The following CD2AP variants were observed in gnomAD, a reference collection of about 807,000 sequenced individuals.
The protein encoded by CD2AP is CD2-associated protein.
In CD2AP, 46 loss-of-function variants were observed where a neutral mutation model predicts 85.1. The ratio of observed to expected loss-of-function variants is 0.54; its 90% CI spans 0.43 to 0.69. CD2AP has a LOEUF of 0.69. Ranked by LOEUF, CD2AP falls within the 30% of genes least tolerant of loss-of-function variation. The pLI is 0.00. For missense variants in CD2AP, 769 were observed against 729.5 expected (o/e 1.05, Z -0.62); for synonymous variants, 255 against 252.9 (o/e 1.01, Z -0.08).
intron 2 of CD2AP, among the ~76,000 whole-genome samples, chr6:47,525,863 A>G (rs1766707593): frequency 6.6e-6 from 1 of 152,122 alleles, no homozygotes; most frequent in Admixed American, 6.5e-5. Context: ...TTGTATTGAC[A>G]TTACCTATTG....
Position 47,589,565 on chromosome 6 carries a change from C to CACATATATAT in CD2AP, c.1109-6295_1109-6294insCATATATATA, listed in dbSNP as rs139814970. 1.2e-3 allele frequency among the ~76,000 whole-genome samples: 143 copies of CACATATATAT among 120,994 alleles called. No homozygotes were observed. The South Asian group carries it at 0.014, about 12-fold the overall frequency. 79.4% of individuals were successfully genotyped at this position (120,994 alleles called of 152,430 possible). ...ACACATATATATACACACACACACACATATATATATATATATTTGTCAGAG... is the reference window on the plus strand; with the variant it reads ...ACACATATATATACACACACACACACACATATATATATATATATATATATATTTGTCAGAG... On this transcript the variant is annotated intron_variant, in intron 11 of 17. Coordinates refer to ENST00000359314, the MANE Select transcript of CD2AP (RefSeq NM_012120.3).
At chr6:47,506,823 G>A (rs1159676885) in intron 2 of CD2AP, among the ~76,000 whole-genome samples, 1 of 137,962 alleles carries the variant, frequency 7.2e-6, no homozygotes, top group East Asian at 2.0e-4. Context: ...GAGGGAGAGG[G>A]AGAGGGAGAG....
chr6:47,567,268 A>G (rs776865224), intron 5 of CD2AP, among the ~76,000 whole-genome samples: 1 of 152,158 alleles, frequency 6.6e-6, no homozygotes, highest in Non-Finnish European at 1.5e-5. Flanking sequence ...ATATGTGCGT[A>G]TACTAGCATT....
chr6:47,539,079 C>T (rs1767133201), intron 3 of CD2AP, among the ~76,000 whole-genome samples: 1 of 152,074 alleles, frequency 6.6e-6, no homozygotes, highest in South Asian at 2.1e-4. Flanking sequence ...CCACATAAAG[C>T]TGGGTATGGA....
intron 2 of CD2AP, among the ~76,000 whole-genome samples, chr6:47,528,147 A>C (rs1766777987): frequency 1.3e-5 from 2 of 152,186 alleles, no homozygotes; most frequent in South Asian, 4.1e-4. Flanking sequence ...ATAGTTCACA[A>C]CTAATGGCTG....
intron 6 of CD2AP, among the ~76,000 whole-genome samples, chr6:47,576,017 A>C (rs1768298138): frequency 6.6e-6 from 1 of 152,126 alleles, no homozygotes; most frequent in East Asian, 1.9e-4. Context: ...TATTTATATA[A>C]AGTGTTTAGC....
chr6:47,484,662 T>C (rs1765522600), intron 1 of CD2AP, among the ~76,000 whole-genome samples: 2 of 152,246 alleles, frequency 1.3e-5, no homozygotes, highest in African/African-American at 2.4e-5. Flanking sequence ...TCAAATATTA[T>C]GTAGCTTGTT....
rs1300303154 is a variant in CD2AP, at chr6:47,625,772, A to G, written c.*1545A>G. 1 of 151,852 alleles carries G rather than the reference A, an allele frequency of 6.6e-6. No homozygotes were observed. The allele number at this position is 151,852 out of a possible 1,614,324, so 9.4% of individuals were successfully genotyped here. A position where few individuals can be genotyped will look rare whatever the true frequency, so the allele number is the denominator to read the frequency against. On this transcript the variant is annotated 3_prime_UTR_variant, in exon 18 of 18. Transcript: ENST00000359314. ...AATAAAGAGAACTGAAGTAGAAAATAGAAATGCCAGTAAACAACATAATGT... is the reference window on the plus strand; with the variant it reads ...AATAAAGAGAACTGAAGTAGAAAATGGAAATGCCAGTAAACAACATAATGT...
At chr6:47,543,148 CAAAAAAAAAAAAAAAAAAAA>C (rs11338409) in intron 3 of CD2AP, among the ~76,000 whole-genome samples, 3 of 60,324 alleles carry the variant, frequency 5.0e-5, no homozygotes, top group Non-Finnish European at 8.7e-5. Context: ...AAGACTGTCT[CAAAAAAAAAAAAAAAAAAAA>C]AAAAGAAAAA....
At position 47,613,076 on chromosome 6, in the gene CD2AP, G is replaced by A. The variant is rs377314879; in HGVS notation, c.1878+540G>A. 2.6e-5 allele frequency among the ~76,000 whole-genome samples: 4 copies of A among 152,218 alleles called. No homozygotes were observed. In the East Asian group the frequency reaches 5.8e-4, roughly 22 times the overall value. ...AGCAACTCCTCATCTGTTCAAGTTC[G>A]ATCCACTTTTAATTCTCATTGTCTT... is the stretch of plus-strand genomic sequence containing the variant. On this transcript the variant is annotated intron_variant, in intron 17 of 17. Transcript: ENST00000359314.
At chr6:47,550,981 A>C (rs533134728) in intron 4 of CD2AP, among the ~76,000 whole-genome samples, 1 of 152,194 alleles carries the variant, frequency 6.6e-6, no homozygotes, top group Non-Finnish European at 1.5e-5. Flanking sequence ...GAGCTAAGCT[A>C]TGAGGATGCA....
intron 2 of CD2AP, among the ~76,000 whole-genome samples, chr6:47,520,230 G>A (rs1202380972): frequency 6.6e-6 from 1 of 152,172 alleles, no homozygotes; most frequent in Non-Finnish European, 1.5e-5. Flanking sequence ...GTTATTAAAA[G>A]CTGAAGATTT....
intron 5 of CD2AP, among the ~76,000 whole-genome samples, chr6:47,570,766 A>G (rs1181139946): frequency 6.6e-6 from 1 of 152,214 alleles, no homozygotes; most frequent in Non-Finnish European, 1.5e-5. Context: ...AGATTGGGCA[A>G]ATATAATGGA....
chr6:47,506,558 G>A (rs1379350862), intron 2 of CD2AP, among the ~76,000 whole-genome samples: 1 of 90,116 alleles, frequency 1.1e-5, no homozygotes, highest in African/African-American at 4.1e-5. Flanking sequence ...CCGGCACCTC[G>A]GGAGGCCGAG....
intron 2 of CD2AP, among the ~76,000 whole-genome samples, chr6:47,513,977 T>G (rs1420557480): frequency 6.6e-6 from 1 of 152,136 alleles, no homozygotes; most frequent in South Asian, 2.1e-4. Context: ...GCTAGGCATC[T>G]TTTCACATTT....
At chr6:47,553,096 A>T (rs923150) in intron 4 of CD2AP, among the ~76,000 whole-genome samples, 91,656 of 151,402 alleles carry the variant, frequency 0.61, 28,509 homozygotes, top group Middle Eastern at 0.74. Flanking sequence ...CTGCTTATTG[A>T]TTTTTTCTTT....
At chr6:47,609,049 TTCTTGCTGTTAAAA>T in intron 15 of CD2AP, 60 bp from the exon 16 acceptor site, 1 of 1,180,990 alleles carries the variant, frequency 8.5e-7, no homozygotes, top group Non-Finnish European at 1.2e-6. Flanking sequence ...ATTGTTTTTC[TTCTTGCTGTTAAAA>T]TCTTTCGAAC....
chr6:47,582,303 G>A (rs1768502169), intron 11 of CD2AP: 1 of 384,678 alleles, frequency 2.6e-6, no homozygotes, highest in Admixed American at 3.9e-5. Flanking sequence ...TTATTTCACA[G>A]ACTGTATAAG....
chr6:47,493,532 T>G (rs1476432078), intron 1 of CD2AP, among the ~76,000 whole-genome samples: 1 of 152,206 alleles, frequency 6.6e-6, no homozygotes, highest in African/African-American at 2.4e-5. Flanking sequence ...ATGTGATACA[T>G]CTAGGTGTAG....
Sources: gnomAD v4.1 joint callset for allele counts (sites outside exome capture counted in the v4.1 genomes callset) on GRCh38, gnomAD v4.1.1 for gene constraint, MANE v1.5 for transcripts, NCBI Gene and HGNC (gene_info 2026-07-23, HGNC 2026-07-21) for gene names.